Variants in EXTL3 observed in about 807,000 individuals in gnomAD.
EXTL3 encodes the protein exostosin like glycosyltransferase 3, also known as exostosin-like 3.
In EXTL3, 27 loss-of-function variants were observed where a neutral mutation model predicts 69.3. The ratio of observed to expected loss-of-function variants is 0.39; its 90% CI spans 0.29 to 0.54. The LOEUF (loss-of-function observed/expected upper bound fraction) is 0.54. Among genes scored for constraint, EXTL3 ranks in the 20% least tolerant of loss-of-function variants. The pLI is 0.69. For synonymous variants in EXTL3, 511 were observed against 499.4 expected (o/e 1.02, Z -0.31); for missense variants, 1,003 against 1,231.8 (o/e 0.81, Z 2.78).
Position 28,716,853 on chromosome 8 carries a change from A to T in EXTL3, c.794A>T (p.His265Leu), listed in dbSNP as rs751017977. 2.5e-6 allele frequency: 4 copies of T among 1,614,212 alleles called. No individual in the cohort carries two copies. Among genetic ancestry groups the T allele is most frequent in the Non-Finnish European group, 3.4e-6 (4 of 1,180,040 alleles). The change falls in exon 3 of 7, where the codon CAC becomes CTC. Residue 265 changes from histidine to leucine, a missense_variant. Transcript: ENST00000220562. The surrounding 1 kb of genome is among the most constrained non-coding windows in gnomAD (Gnocchi z 7.1). ...ELEKQLYSLP[H>L]WRTDGHNHVI... ...GAGAAGCAGTTGTATTCCCTGCCAC[A>T]CTGGCGGACGGATGGACACAACCAT...
At chr8:28,693,213 A>G (rs977902775) in intron 1 of EXTL3, among the ~76,000 whole-genome samples, 2 of 149,114 alleles carry the variant, frequency 1.3e-5, no homozygotes, top group African/African-American at 2.5e-5. Flanking sequence ...GCAATGGCAT[A>G]ATCTCGGCTC....
chr8:28,724,949 C>T (rs951743277), intron 3 of EXTL3, among the ~76,000 whole-genome samples: 1 of 152,162 alleles, frequency 6.6e-6, no homozygotes, highest in African/African-American at 2.4e-5. Flanking sequence ...CTGTGTGCCT[C>T]TTCCTGGATC....
upstream of EXTL3, chr8:28,697,700 G>A (rs1800706611): frequency 6.6e-6 from 1 of 152,030 alleles, no homozygotes; most frequent in South Asian, 2.1e-4. Context: ...GCATGGTGGT[G>A]TATGCTTGTA....
chr8:28,717,271 C>T lies in EXTL3; in HGVS notation c.1212C>T (p.Pro404=). The change falls in exon 3 of 7, where the codon CCC becomes CCT. Residue 404 remains proline (P), a synonymous_variant. Coordinates refer to ENST00000220562, the MANE Select transcript of EXTL3 (RefSeq NM_001440.4). The surrounding 1 kb of genome is among the most constrained non-coding windows in gnomAD (Gnocchi z 8.3). ...VLVEFTCKNQ[P]KPSLPTEWAL... ...TGGAATTCACCTGCAAAAACCAGCC[C>T]AAACCCAGCCTGCCGACTGAGTGGG... 3 of 1,614,238 alleles carry T rather than the reference C, an allele frequency of 1.9e-6. No homozygotes were observed. The highest frequency in any genetic ancestry group is 2.5e-6 in the Non-Finnish European group (3 of 1,180,048).
At chr8:28,670,475 G>C (rs541232452) in intron 1 of EXTL3, among the ~76,000 whole-genome samples, 1 of 152,154 alleles carries the variant, frequency 6.6e-6, no homozygotes, top group East Asian at 1.9e-4. Context: ...AGAAGGGCTG[G>C]TGATGTAAAT....
At chr8:28,642,957 C>T (rs1038011091) in intron 1 of EXTL3, among the ~76,000 whole-genome samples, 35 of 147,466 alleles carry the variant, frequency 2.4e-4, no homozygotes, top group African/African-American at 8.0e-4. Flanking sequence ...ATAATAACAA[C>T]GGTGGGCCAG....
chr8:28,634,104 C>G (rs1211971713), intron 1 of EXTL3, among the ~76,000 whole-genome samples: 1 of 152,214 alleles, frequency 6.6e-6, no homozygotes, highest in Non-Finnish European at 1.5e-5. Context: ...CATCTGGGGC[C>G]AGAACTTAGT....
At chr8:28,611,659 TTTG>T (rs1045382504) in intron 2 of EXTL3, among the ~76,000 whole-genome samples, 1 of 152,078 alleles carries the variant, frequency 6.6e-6, no homozygotes, top group Non-Finnish European at 1.5e-5. Context: ...AATGCAGGGA[TTTG>T]TTGTTGTGAG....
chr8:28,651,381 A>G (rs115900858), intron 1 of EXTL3, among the ~76,000 whole-genome samples: 2,028 of 152,238 alleles, frequency 0.013, 46 homozygotes, highest in African/African-American at 0.046. Context: ...GCTGGAGTGC[A>G]GTGGCACTAT....
At chr8:28,739,664 T>C (rs1801735038) in intron 5 of EXTL3, among the ~76,000 whole-genome samples, 1 of 152,204 alleles carries the variant, frequency 6.6e-6, no homozygotes, top group South Asian at 2.1e-4. Context: ...AAGCAGTCGT[T>C]AAACTTTCAG....
chr8:28,739,558 T>C (rs985582817), intron 5 of EXTL3, among the ~76,000 whole-genome samples: 4 of 152,140 alleles, frequency 2.6e-5, no homozygotes, highest in African/African-American at 9.7e-5. Context: ...CTCGAACTCC[T>C]GGACTCAAGC....
At chr8:28,649,391 C>G (rs1158967274) in intron 1 of EXTL3, among the ~76,000 whole-genome samples, 1 of 152,182 alleles carries the variant, frequency 6.6e-6, no homozygotes, top group African/African-American at 2.4e-5. Flanking sequence ...ACCATGCTTA[C>G]TACTGTTGGC....
At chr8:28,611,617 A>C (rs566945874) in intron 2 of EXTL3, among the ~76,000 whole-genome samples, 1 of 152,236 alleles carries the variant, frequency 6.6e-6, no homozygotes, top group African/African-American at 2.4e-5. Context: ...TCACAGCGAG[A>C]GGGGTGATGA....
intron 1 of EXTL3, among the ~76,000 whole-genome samples, chr8:28,661,829 G>A (rs1477229181): frequency 6.6e-6 from 1 of 151,668 alleles, no homozygotes; most frequent in Non-Finnish European, 1.5e-5. Flanking sequence ...AGGTTGCAGT[G>A]AGCCAAGGTT....
rs539575769 is a variant in EXTL3, at chr8:28,655,263, G to A, written c.-53+32453G>A. The stretch of plus-strand genomic sequence containing the variant: ...GAATTCAAGACCAGCCTAGGTGACA[G>A]AGTGAGGCACTCTGTCTAAGAAAAA... On this transcript the variant is annotated intron_variant, in intron 1 of 6. Transcript: ENST00000523149. Among the ~76,000 whole-genome samples the A allele has an allele frequency of 4.6e-5, 7 of 152,182 alleles. No individual in the cohort carries two copies. The East Asian group carries it at 1.4e-3, about 29-fold the overall frequency.
chr8:28,630,957 TA>T (rs1305794520), intron 1 of EXTL3, among the ~76,000 whole-genome samples: 3 of 152,086 alleles, frequency 2.0e-5, no homozygotes, highest in African/African-American at 7.2e-5. Flanking sequence ...TTTAAAATTA[TA>T]AAACATAAAA....
intron 1 of EXTL3, among the ~76,000 whole-genome samples, chr8:28,708,139 C>T (rs112893116): frequency 1.0e-3 from 155 of 152,286 alleles, no homozygotes; most frequent in African/African-American, 3.6e-3. Flanking sequence ...TTCAAACAGC[C>T]CTGTAATAAG....
intron 1 of EXTL3, among the ~76,000 whole-genome samples, chr8:28,679,724 C>T (rs1807451400): frequency 1.1e-5 from 1 of 92,998 alleles, no homozygotes; most frequent in Non-Finnish European, 2.2e-5. Flanking sequence ...CCCGACCCTA[C>T]CTCTTAAAAA....
At chr8:28,699,007 A>C (rs1318253099), upstream of EXTL3, among the ~76,000 whole-genome samples, 1 of 152,066 alleles carries the variant, frequency 6.6e-6, no homozygotes, top group Non-Finnish European at 1.5e-5. Context: ...ACAAAAACAA[A>C]AACAAAAAAC....
Sources: gnomAD v4.1 joint callset for allele counts (sites outside exome capture counted in the v4.1 genomes callset) on GRCh38, gnomAD v4.1.1 for gene constraint, Gnocchi (gnomAD v3.1) non-coding constraint, MANE v1.5 for transcripts, NCBI Gene and HGNC (gene_info 2026-07-23, HGNC 2026-07-21) for gene names.